Variants in PARD3B observed in about 807,000 individuals in gnomAD.
The protein encoded by PARD3B is par-3 family cell polarity regulator beta, also known as partitioning defective 3 homolog B.
A neutral mutation model predicts 130.2 loss-of-function variants in PARD3B; 103 were observed. The observed-to-expected ratio is 0.79, with a 90% CI of 0.67 to 0.93. The LOEUF (loss-of-function observed/expected upper bound fraction) is 0.93. Among genes scored for constraint, PARD3B ranks in the 40% least tolerant of loss-of-function variants. The probability of loss-of-function intolerance (pLI) is 0.00; values close to 1 mark genes in which losing one functional copy is unlikely to be tolerated. For synonymous variants in PARD3B, 583 were observed against 553.2 expected, an observed-to-expected ratio of 1.05 and a Z score of -0.76; for missense variants, 1,609 against 1,499.2, an observed-to-expected ratio of 1.07 and a Z score of -1.21.
At position 205,458,549 on chromosome 2, in the gene PARD3B, T is replaced by C. The variant is rs1261869861; in HGVS notation, c.3044+17877T>C. Among the ~76,000 whole-genome samples, 2 of 152,156 alleles carry C rather than the reference T, an allele frequency of 1.3e-5. No homozygotes were observed. ...TTATTGTAATTTTCAGTTTTAGGTG[T>C]CTATTTGTTTGTTTTACCCTGAGAT... On this transcript the variant is annotated intron_variant, in intron 20 of 22. Transcript: ENST00000406610. The surrounding 1 kb of genome is among the most constrained non-coding windows in gnomAD (Gnocchi z 4.8).
chr2:205,553,451 T>A, intron 22 of PARD3B, 48 bp downstream of exon 22: 1 of 1,554,364 alleles, frequency 6.4e-7, no homozygotes, highest in Non-Finnish European at 8.9e-7. Flanking sequence ...ACAAATGAAG[T>A]CTTTAGAGAA....
At chr2:204,873,067 T>C (rs2045690828) in intron 2 of PARD3B, among the ~76,000 whole-genome samples, 1 of 152,192 alleles carries the variant, frequency 6.6e-6, no homozygotes, top group South Asian at 2.1e-4. Context: ...AAGATAATTA[T>C]AATGTAATGA....
intron 4 of PARD3B, among the ~76,000 whole-genome samples, chr2:205,089,093 G>A (rs1379876621): frequency 6.6e-6 from 1 of 151,326 alleles, no homozygotes; most frequent in East Asian, 1.9e-4. Context: ...GAACCACCAT[G>A]CCCGGCCTGC....
chr2:205,587,990 C>CG (rs1186476720), intron 22 of PARD3B, among the ~76,000 whole-genome samples: 1 of 152,212 alleles, frequency 6.6e-6, no homozygotes, highest in Non-Finnish European at 1.5e-5. Flanking sequence ...TTCACCACTG[C>CG]CTCCTCTGCC....
chr2:204,736,515 C>A (rs1233619736), intron 2 of PARD3B, among the ~76,000 whole-genome samples: 1 of 152,100 alleles, frequency 6.6e-6, no homozygotes, highest in Non-Finnish European at 1.5e-5. Flanking sequence ...CTAGTGAGGA[C>A]ATACAGTTTT....
At chr2:205,052,328 G>A (rs1216445962) in intron 4 of PARD3B, among the ~76,000 whole-genome samples, 2 of 149,708 alleles carry the variant, frequency 1.3e-5, no homozygotes, top group African/African-American at 4.9e-5. Flanking sequence ...GAGAGTGAAT[G>A]GCATTATTTG....
intron 2 of PARD3B, among the ~76,000 whole-genome samples, chr2:204,825,753 C>T (rs1006062748): frequency 8.5e-5 from 13 of 152,156 alleles, no homozygotes; most frequent in African/African-American, 2.2e-4. Context: ...TTCAATGGAG[C>T]GAGTTCTTGA....
At position 205,291,745 on chromosome 2, in the gene PARD3B, A is replaced by C. The variant is rs1320752847; in HGVS notation, c.2186-8785A>C. ...CCATCAAAAAGGAAGCAGAGCTTAAAGACTTAGGTAATTCTCAGCCTATCC... is the reference window on the plus strand; with the variant it reads ...CCATCAAAAAGGAAGCAGAGCTTAACGACTTAGGTAATTCTCAGCCTATCC... On this transcript the variant is annotated intron_variant, in intron 16 of 22. Transcript: ENST00000406610. This position sits in a 1 kb window ranked among gnomAD's most constrained non-coding sequence, Gnocchi z 4.6. Among the ~76,000 whole-genome samples the C allele has an allele frequency of 6.6e-6, 1 of 152,230 alleles. No individual in the cohort carries two copies. The highest frequency in any genetic ancestry group is 1.5e-5 in the Non-Finnish European group (1 of 68,026).
At chr2:205,040,483 C>T (rs1348586871) in intron 3 of PARD3B, among the ~76,000 whole-genome samples, 1 of 152,134 alleles carries the variant, frequency 6.6e-6, no homozygotes, top group African/African-American at 2.4e-5. Flanking sequence ...TTTTTTCAAA[C>T]TCATTCAACA....
rs569232977 is a variant in PARD3B at position 205,241,854 on chromosome 2, C to T, written c.2141-3924C>T. Reference sequence around the variant, plus strand: ...AATATTATGCAGTGAAACTACTAGACGTAAGCTTAAGCCCCAAGAGATAAT... The same window carrying T: ...AATATTATGCAGTGAAACTACTAGATGTAAGCTTAAGCCCCAAGAGATAAT... On this transcript the variant is annotated intron_variant, in intron 15 of 22. Coordinates refer to ENST00000406610, the MANE Select transcript of PARD3B (RefSeq NM_001302769.2). The surrounding 1 kb of genome is among the most constrained non-coding windows in gnomAD (Gnocchi z 4.2). Among the ~76,000 whole-genome samples the T allele has an allele frequency of 1.2e-4, 18 of 152,164 alleles. No individual in the cohort carries two copies. Among genetic ancestry groups the T allele is most frequent in the East Asian group, 3.9e-4 (2 of 5,184 alleles).
chr2:204,737,542 C>T (rs2039811647), intron 2 of PARD3B, among the ~76,000 whole-genome samples: 1 of 152,148 alleles, frequency 6.6e-6, no homozygotes, highest in African/African-American at 2.4e-5. Context: ...TCTGTTTACT[C>T]TGCTTATTGT....
intron 3 of PARD3B, among the ~76,000 whole-genome samples, chr2:204,986,289 G>A (rs541285564): frequency 7.2e-5 from 11 of 152,126 alleles, no homozygotes; most frequent in African/African-American, 2.6e-4. Context: ...TGTATCAAAA[G>A]CACATAGGGC....
At chr2:204,845,864 T>C (rs1029256206) in intron 2 of PARD3B, among the ~76,000 whole-genome samples, 3 of 152,162 alleles carry the variant, frequency 2.0e-5, no homozygotes, top group African/African-American at 7.2e-5. Context: ...TTCAAGATTT[T>C]ATTGTCCTTC....
At chr2:204,621,457 G>A (rs2034299941) in intron 1 of PARD3B, among the ~76,000 whole-genome samples, 1 of 152,148 alleles carries the variant, frequency 6.6e-6, no homozygotes, top group Admixed American at 6.6e-5. Context: ...GCTATCCCAA[G>A]TAGCCAGTTT....
chr2:204,805,786 T>C (rs934840474), intron 2 of PARD3B, among the ~76,000 whole-genome samples: 2 of 151,976 alleles, frequency 1.3e-5, no homozygotes, highest in African/African-American at 4.8e-5. Context: ...AGTGATACAT[T>C]ATACTAGGAG....
At chr2:205,383,138 A>ATCGATC (rs1574874496) in intron 18 of PARD3B, among the ~76,000 whole-genome samples, 4 of 138,442 alleles carry the variant, frequency 2.9e-5, no homozygotes, top group African/African-American at 1.1e-4. Flanking sequence ...ATAGATAGAT[A>ATCGATC]GATCGATCTA....
chr2:205,399,637 G>A (rs1015483672), intron 18 of PARD3B, among the ~76,000 whole-genome samples: 2 of 152,252 alleles, frequency 1.3e-5, no homozygotes, highest in South Asian at 2.1e-4. Flanking sequence ...TTACAGGCGT[G>A]AGCCACCACA....
rs564735158 is a variant in PARD3B, at chr2:205,386,650, G to T, written c.2631-14363G>T. ...AAAAAAATGAAACTTTAATTAAGTA[G>T]AGTTTTTTTTTTTTGTTGTTGAAGG... On this transcript the variant is annotated intron_variant, in intron 18 of 22. Coordinates refer to ENST00000406610, the MANE Select transcript of PARD3B (RefSeq NM_001302769.2). Among the ~76,000 whole-genome samples the T allele has an allele frequency of 9.8e-3, 424 of 43,454 alleles. 2 individuals carry two copies. Among genetic ancestry groups the T allele is most frequent in the African/African-American group, 0.028 (403 of 14,366 alleles). 28.5% of individuals were successfully genotyped at this position (43,454 alleles called of 152,430 possible). A position where few individuals can be genotyped will look rare whatever the true frequency, so the allele number is the denominator to read the frequency against.
intron 2 of PARD3B, among the ~76,000 whole-genome samples, chr2:204,754,269 A>G (rs73984293): frequency 0.013 from 1,966 of 152,318 alleles, 49 homozygotes; most frequent in African/African-American, 0.045. Flanking sequence ...GTTCACATAC[A>G]TTCTTCAATT....
Sources: allele counts gnomAD v4.1 joint callset (sites outside exome capture counted in the v4.1 genomes callset), GRCh38; gene constraint gnomAD v4.1.1; non-coding constraint Gnocchi (gnomAD v3.1); transcripts MANE v1.5; gene names NCBI Gene and HGNC (gene_info 2026-07-23, HGNC 2026-07-21).